SEMA3A: variants seen among roughly 807,000 people sequenced by gnomAD.
SEMA3A encodes the protein semaphorin 3A, also known as semaphorin-3A.
SEMA3A carries 29 observed loss-of-function variants against 97.9 expected under a neutral mutation model. The ratio of observed to expected loss-of-function variants is 0.30; its 90% CI spans 0.22 to 0.40. The LOEUF is 0.40. Ranked by LOEUF, SEMA3A falls within the 10% of genes least tolerant of loss-of-function variation. SEMA3A has a pLI of 1.00. For missense variants in SEMA3A, 763 were observed against 951.3 expected, an observed-to-expected ratio of 0.80 and a Z score of 2.60; for synonymous variants, 321 against 323.7, an observed-to-expected ratio of 0.99 and a Z score of 0.09.
At chr7:84,143,205 A>C (rs1468597571) in intron 1 of SEMA3A, among the ~76,000 whole-genome samples, 1 of 152,114 alleles carries the variant, frequency 6.6e-6, no homozygotes, top group Non-Finnish European at 1.5e-5. Context: ...AAACACATGC[A>C]CTTTCTACTG....
chr7:83,963,140 A>T, intron 16 of SEMA3A, 65 bp downstream of exon 16: 1 of 1,559,598 alleles, frequency 6.4e-7, no homozygotes, highest in Non-Finnish European at 8.8e-7. Flanking sequence ...CAAGTGAAAA[A>T]TACAAGGATT....
At chr7:84,153,847 A>G (rs1796753292) in intron 1 of SEMA3A, among the ~76,000 whole-genome samples, 1 of 152,130 alleles carries the variant, frequency 6.6e-6, no homozygotes, top group African/African-American at 2.4e-5. Context: ...TTTCCTATTT[A>G]CATAACACTA....
At chr7:84,440,187 T>C (rs779024391) in intron 1 of SEMA3A, among the ~76,000 whole-genome samples, 7 of 152,240 alleles carry the variant, frequency 4.6e-5, no homozygotes, top group Non-Finnish European at 8.8e-5. Context: ...CTGTCAGATG[T>C]AACTATTTTT....
chr7:84,364,740 T>G (rs1034170871), intron 2 of SEMA3A, among the ~76,000 whole-genome samples: 11 of 150,606 alleles, frequency 7.3e-5, no homozygotes, highest in African/African-American at 2.4e-4. Context: ...TAACCAAAAG[T>G]AACATTTGGA....
At chr7:83,992,150 T>C (rs62473907) in intron 12 of SEMA3A, among the ~76,000 whole-genome samples, 55,968 of 148,314 alleles carry the variant, frequency 0.38, 11,093 homozygotes, top group Middle Eastern at 0.49. Context: ...TGTATTTCTG[T>C]GGGATTGGTG....
chr7:84,066,207 A>T, intron 4 of SEMA3A, among the ~76,000 whole-genome samples: 1 of 151,976 alleles, frequency 6.6e-6, no homozygotes, highest in Non-Finnish European at 1.5e-5. Flanking sequence ...AAAGCCTTTG[A>T]CAAAATTCAA....
chr7:84,436,752 C>T (rs1349236236), intron 1 of SEMA3A, among the ~76,000 whole-genome samples: 1 of 152,006 alleles, frequency 6.6e-6, no homozygotes, highest in Non-Finnish European at 1.5e-5. Flanking sequence ...TAAGTCTGAA[C>T]ATAGATTGCT....
At chr7:84,193,191 C>T (rs764271955) in intron 1 of SEMA3A, among the ~76,000 whole-genome samples, 21 of 151,908 alleles carry the variant, frequency 1.4e-4, no homozygotes, top group South Asian at 6.2e-4. Context: ...ATTTAACGAG[C>T]ACTAAGTCCA....
intron 3 of SEMA3A, among the ~76,000 whole-genome samples, chr7:84,243,317 T>G (rs1234467399): frequency 6.6e-6 from 1 of 152,202 alleles, no homozygotes; most frequent in Non-Finnish European, 1.5e-5. Context: ...ACTGCCTGAG[T>G]TTCAGAACTT....
chr7:84,292,954 T>C (rs953219319), intron 3 of SEMA3A, among the ~76,000 whole-genome samples: 14 of 152,082 alleles, frequency 9.2e-5, no homozygotes, highest in Admixed American at 6.6e-5. Context: ...TATTAATGTA[T>C]GTATAAGAAA....
chr7:83,966,676 C>T (rs1033672377), intron 15 of SEMA3A, among the ~76,000 whole-genome samples: 2 of 151,842 alleles, frequency 1.3e-5, no homozygotes, highest in Non-Finnish European at 2.9e-5. Context: ...TTGTTAGGTT[C>T]TGCTGCGATC....
intron 2 of SEMA3A, among the ~76,000 whole-genome samples, chr7:84,361,823 G>A (rs935275001): frequency 1.3e-5 from 2 of 152,024 alleles, no homozygotes; most frequent in African/African-American, 2.4e-5. Flanking sequence ...GAAGGACTCT[G>A]CAGAGGAGAC....
chr7:84,060,173 G>A (rs1213006778), intron 5 of SEMA3A, among the ~76,000 whole-genome samples: 1 of 152,112 alleles, frequency 6.6e-6, no homozygotes, highest in Non-Finnish European at 1.5e-5. Flanking sequence ...GCCAGCACAA[G>A]GTAACACAAT....
intron 3 of SEMA3A, among the ~76,000 whole-genome samples, chr7:84,295,463 G>T (rs976915296): frequency 2.0e-5 from 3 of 151,966 alleles, no homozygotes; most frequent in Non-Finnish European, 2.9e-5. Context: ...AATGAAATCC[G>T]CATGTTTGCA....
rs112872473 is a variant in SEMA3A at position 84,279,036 on chromosome 7, T to C, written c.-83+28171A>G. Among the ~76,000 whole-genome samples the C allele has an allele frequency of 3.3e-5, 5 of 152,240 alleles. 1 individual carries two copies. The highest frequency in any genetic ancestry group is 1.2e-4 in the African/African-American group (5 of 41,560). On this transcript the variant is annotated intron_variant, in intron 3 of 3. Coordinates refer to the SEMA3A transcript ENST00000424555. ...ATGCCAACTAATAAATGCATTAAAA[T>C]GAATGTGAAAATAACAATTTGAAAA...
At chr7:84,123,453 T>C (rs928307394) in intron 3 of SEMA3A, among the ~76,000 whole-genome samples, 3 of 151,954 alleles carry the variant, frequency 2.0e-5, no homozygotes, top group African/African-American at 7.2e-5. Context: ...ATGCTAAAAA[T>C]GCCACAGCAA....
At chr7:84,469,424 G>A (rs1437209054) in intron 1 of SEMA3A, among the ~76,000 whole-genome samples, 1 of 152,130 alleles carries the variant, frequency 6.6e-6, no homozygotes, top group African/African-American at 2.4e-5. Context: ...ATTGGTTTTT[G>A]TAGCTTAAGG....
chr7:84,019,867 T>C (rs1250615341), intron 6 of SEMA3A, among the ~76,000 whole-genome samples: 1 of 151,984 alleles, frequency 6.6e-6, no homozygotes, highest in Non-Finnish European at 1.5e-5. Flanking sequence ...TTGTAAGCTA[T>C]CTAAACTTCA....
At chr7:83,964,669 C>A (rs1788600932) in intron 15 of SEMA3A, among the ~76,000 whole-genome samples, 1 of 152,060 alleles carries the variant, frequency 6.6e-6, no homozygotes, top group Non-Finnish European at 1.5e-5. Flanking sequence ...AGGTGTGAAA[C>A]AAAACTCTTC....
Sources: gnomAD v4.1 joint callset for allele counts (sites outside exome capture counted in the v4.1 genomes callset) on GRCh38, gnomAD v4.1.1 for gene constraint, MANE v1.5 for transcripts, NCBI Gene and HGNC (gene_info 2026-07-23, HGNC 2026-07-21) for gene names.